The following EML2 variants were observed in gnomAD, a reference collection of about 807,000 sequenced individuals.
The protein encoded by EML2 is EMAP like 2.
Under a neutral mutation model 84.7 loss-of-function variants are expected in EML2, and 59 were observed. The observed-to-expected ratio is 0.70, with a 90% CI of 0.56 to 0.86. The LOEUF (loss-of-function observed/expected upper bound fraction) is 0.86. EML2 is among the 40% of genes least tolerant of loss of function. EML2 has a pLI of 0.00. For missense variants in EML2, 818 were observed against 855.6 expected, an observed-to-expected ratio of 0.96 and a Z score of 0.55; for synonymous variants, 352 against 348.9, an observed-to-expected ratio of 1.01 and a Z score of -0.10.
intron 6 of EML2, 57 bp from the exon 7 acceptor site, chr19:45,630,103 C>T (rs1972845886): frequency 2.3e-6 from 3 of 1,297,486 alleles, no homozygotes; most frequent in South Asian, 1.2e-5. Flanking sequence ...GCCCATCCTC[C>T]CCCCATGCCC....
chr19:45,620,435 G>A (rs1417816314), intron 11 of EML2, among the ~76,000 whole-genome samples: 2 of 151,998 alleles, frequency 1.3e-5, no homozygotes, highest in East Asian at 1.9e-4. Flanking sequence ...TGGGCTGGGT[G>A]CAGTGGTTCA....
rs1191917097 is a variant in EML2 at position 45,614,152 on chromosome 19, C to A, written c.1693+453G>T. Among the ~76,000 whole-genome samples, 4 of 152,204 alleles carry A rather than the reference C, an allele frequency of 2.6e-5. No homozygotes were observed. The East Asian group carries it at 7.7e-4, about 29-fold the overall frequency. Reference sequence around the variant, plus strand: ...CCAGGAAGCCCTCCCTGATTCCCTCCAAGAGTAGGCCAGATGCCCCACCCT... The same window carrying A: ...CCAGGAAGCCCTCCCTGATTCCCTCAAAGAGTAGGCCAGATGCCCCACCCT... On this transcript the variant is annotated intron_variant, in intron 17 of 18. Transcript: ENST00000245925.
chr19:45,615,717 G>T, intron 16 of EML2, 85 bp downstream of exon 16: 1 of 1,197,698 alleles, frequency 8.3e-7, no homozygotes, highest in Non-Finnish European at 1.2e-6. Flanking sequence ...AGCGAGGCTT[G>T]AAGCCCCTCC....
chr19:45,611,941 C>T (rs890284964), intron 18 of EML2, among the ~76,000 whole-genome samples: 6 of 151,906 alleles, frequency 3.9e-5, no homozygotes, highest in Non-Finnish European at 8.8e-5. Context: ...GCACGATCTC[C>T]GCTCACTACA....
intron 15 of EML2, 149 bp downstream of exon 15, chr19:45,616,312 G>T: frequency 1.6e-6 from 1 of 615,130 alleles, no homozygotes; most frequent in Non-Finnish European, 2.9e-6. Flanking sequence ...ACGAGGTGGT[G>T]AATGTGTGGA....
intron 11 of EML2, among the ~76,000 whole-genome samples, chr19:45,619,970 G>A (rs1209662892): frequency 6.6e-6 from 1 of 152,124 alleles, no homozygotes; most frequent in Non-Finnish European, 1.5e-5. Context: ...AGGATCCCTT[G>A]AGCCCAGGAG....
intron 11 of EML2, among the ~76,000 whole-genome samples, chr19:45,619,995 G>C (rs1971509321): frequency 6.6e-6 from 1 of 152,078 alleles, no homozygotes; most frequent in African/African-American, 2.4e-5. Context: ...AGGTTGCAGT[G>C]AGCTGAAATG....
At chr19:45,623,826 C>T (rs188127819) in intron 9 of EML2, among the ~76,000 whole-genome samples, 5 of 152,296 alleles carry the variant, frequency 3.3e-5, no homozygotes, top group African/African-American at 7.2e-5. Context: ...GCTGGGATTA[C>T]AGGCGTGAGC....
chr19:45,631,745 G>A (rs1973059690), intron 6 of EML2, among the ~76,000 whole-genome samples: 1 of 151,804 alleles, frequency 6.6e-6, no homozygotes, highest in South Asian at 2.1e-4. Context: ...CTGCCATATC[G>A]CCCAAGTTGG....
At chr19:45,614,469 C>T in intron 17 of EML2, 136 bp downstream of exon 17, 1 of 748,986 alleles carries the variant, frequency 1.3e-6, no homozygotes. Flanking sequence ...TTTCCTCTTA[C>T]ACAAATACAG....
At chr19:45,620,906 A>C (rs996586746) in intron 11 of EML2, 3 of 479,786 alleles carry the variant, frequency 6.3e-6, no homozygotes, top group African/African-American at 3.9e-5. Flanking sequence ...GTGTGTGGCC[A>C]GGGTGTCTGC....
intron 11 of EML2, among the ~76,000 whole-genome samples, chr19:45,620,633 G>C (rs949945488): frequency 5.3e-4 from 81 of 151,648 alleles, no homozygotes; most frequent in Non-Finnish European, 5.9e-5. Context: ...CACTTGAAGC[G>C]GGAGGCAGAG....
Position 45,615,788 on chromosome 19 carries a change from C to G in EML2, c.1597+14G>C, listed in dbSNP as rs370086515. 5 of 1,609,182 alleles carry G rather than the reference C, an allele frequency of 3.1e-6. No individual in the cohort carries two copies. The African/African-American group carries it at 5.4e-5, about 17-fold the overall frequency. On this transcript the variant is annotated intron_variant, in intron 16 of 18. Coordinates refer to ENST00000245925, the MANE Select transcript of EML2 (RefSeq NM_012155.4). ...GACGGAGGAAGTAATGTCTCTGGGT[C>G]CCGGAGAACTCACAGTACAGAATCT...
At chr19:45,617,985 A>G (rs995821614) in intron 12 of EML2, among the ~76,000 whole-genome samples, 1 of 152,184 alleles carries the variant, frequency 6.6e-6, no homozygotes, top group African/African-American at 2.4e-5. Flanking sequence ...ACTTCTTTAG[A>G]TAATTTCCTA....
At chr19:45,641,398 G>C (rs1974478919), upstream of EML2, 1 of 476,364 alleles carries the variant, frequency 2.1e-6, no homozygotes, top group Non-Finnish European at 3.8e-6. Context: ...TCACCCAGTA[G>C]ACCTGACCGT....
At chr19:45,617,566 G>C in intron 13 of EML2, 64 bp downstream of exon 13, 2 of 1,435,390 alleles carry the variant, frequency 1.4e-6, no homozygotes, top group Non-Finnish European at 1.9e-6. Context: ...GTAGGAAAGA[G>C]GGAAGAAGGG....
upstream of EML2, chr19:45,641,685 G>GC: frequency 6.5e-7 from 1 of 1,536,194 alleles, no homozygotes; most frequent in Non-Finnish European, 8.7e-7. Context: ...ATGTGGTCCG[G>GC]CTGCGGGGGT....
At chr19:45,611,552 C>G (rs1398168675) in intron 18 of EML2, among the ~76,000 whole-genome samples, 4 of 151,960 alleles carry the variant, frequency 2.6e-5, no homozygotes, top group Non-Finnish European at 5.9e-5. Context: ...GTGGTGCAAT[C>G]TCAACTCACT....
chr19:45,636,279 G>A (rs1225834073), intron 3 of EML2, among the ~76,000 whole-genome samples: 2 of 152,046 alleles, frequency 1.3e-5, no homozygotes, highest in African/African-American at 4.8e-5. Flanking sequence ...CAGCCTGCCT[G>A]GCTAATTAAA....
Sources: allele counts gnomAD v4.1 joint callset (sites outside exome capture counted in the v4.1 genomes callset), GRCh38; gene constraint gnomAD v4.1.1; transcripts MANE v1.5; gene names NCBI Gene and HGNC (gene_info 2026-07-23, HGNC 2026-07-21).